Variants in CORO2B observed in about 807,000 individuals in gnomAD.
CORO2B encodes coronin 2B, also known as coronin-2B.
A neutral mutation model predicts 58.8 loss-of-function variants in CORO2B; 26 were observed. That is an observed-to-expected ratio of 0.44 (90% CI 0.32 to 0.61). CORO2B has a LOEUF of 0.61. Ranked by LOEUF, CORO2B falls within the 20% of genes least tolerant of loss-of-function variation. CORO2B has a pLI of 0.04. For missense variants in CORO2B, 460 were observed against 645.1 expected, an observed-to-expected ratio of 0.71 and a Z score of 3.11; for synonymous variants, 242 against 253.8, an observed-to-expected ratio of 0.95 and a Z score of 0.44.
chr15:68,677,933 G>A lies in CORO2B; in HGVS notation c.217-17207G>A, dbSNP rs78373754. ...TCTGCAGCCATGGAAAAACATGAAC[G>A]TTGGCTGGATTGAGGGTTTCCTGTT... is the stretch of plus-strand genomic sequence containing the variant. On this transcript the variant is annotated intron_variant, in intron 2 of 11. Transcript: ENST00000261861. 9.4e-4 allele frequency among the ~76,000 whole-genome samples: 143 copies of A among 152,264 alleles called. 3 individuals carry two copies. In the East Asian group the frequency reaches 0.026, roughly 28 times the overall value.
the CORO2B span, among the ~76,000 whole-genome samples, chr15:68,541,650 C>T: frequency 6.6e-6 from 1 of 152,210 alleles, no homozygotes; most frequent in Admixed American, 6.5e-5. Context: ...GTGCTTTGTC[C>T]AGTGCCCTAT....
chr15:68,572,069 T>C, the CORO2B span, among the ~76,000 whole-genome samples: 164 of 152,270 alleles, frequency 1.1e-3, no homozygotes, highest in Middle Eastern at 3.4e-3. Context: ...CCCAGGGGCA[T>C]CTGGGAAGGG....
chr15:68,678,149 G>A (rs902050242), intron 2 of CORO2B, among the ~76,000 whole-genome samples: 8 of 152,196 alleles, frequency 5.3e-5, no homozygotes, highest in East Asian at 1.9e-4. Context: ...GCCACTGGCT[G>A]CTGGCTGTTC....
intron 1 of CORO2B, among the ~76,000 whole-genome samples, chr15:68,633,611 A>G (rs1396642856): frequency 6.6e-6 from 1 of 152,062 alleles, no homozygotes; most frequent in Non-Finnish European, 1.5e-5. Context: ...AGCTCTGTGC[A>G]TGAGGCCTGG....
chr15:68,703,559 C>T (rs140672659), intron 3 of CORO2B, among the ~76,000 whole-genome samples: 64 of 152,306 alleles, frequency 4.2e-4, no homozygotes, highest in East Asian at 4.0e-3. Flanking sequence ...CTTCTCCTAG[C>T]TGCTTAGGCC....
chr15:68,585,400 G>A lies in CORO2B; in HGVS notation c.15+6123G>A, dbSNP rs116892847. Among the ~76,000 whole-genome samples, 241 of 152,294 alleles carry A rather than the reference G, an allele frequency of 1.6e-3. 2 individuals are homozygous for A. Among genetic ancestry groups the A allele is most frequent in the African/African-American group, 5.4e-3 (226 of 41,554 alleles). On this transcript the variant is annotated intron_variant, in intron 1 of 11. Transcript: ENST00000261861. ...TGATAATAACAGTTATTAAGCAGGC[G>A]TTGGGCACGCATGATCGCATTTACT...
At chr15:68,685,631 A>C (rs997457300) in intron 2 of CORO2B, among the ~76,000 whole-genome samples, 2 of 152,260 alleles carry the variant, frequency 1.3e-5, no homozygotes, top group Non-Finnish European at 2.9e-5. Flanking sequence ...AGGCCCCAGC[A>C]GGCTATGGAG....
chr15:68,575,105 T>C (rs1281614207), upstream of CORO2B, among the ~76,000 whole-genome samples: 1 of 152,190 alleles, frequency 6.6e-6, no homozygotes, highest in Non-Finnish European at 1.5e-5. Context: ...GACTTTTTAC[T>C]TTCTGCCCCA....
intron 2 of CORO2B, among the ~76,000 whole-genome samples, chr15:68,682,289 G>A (rs1045381037): frequency 5.3e-5 from 8 of 152,288 alleles, no homozygotes; most frequent in East Asian, 3.9e-4. Context: ...TCTGGAGTTC[G>A]AGAAGAGACC....
intron 2 of CORO2B, among the ~76,000 whole-genome samples, chr15:68,646,804 T>C (rs1901445495): frequency 6.6e-6 from 1 of 152,214 alleles, no homozygotes; most frequent in African/African-American, 2.4e-5. Context: ...TGGTTACTTT[T>C]TTGGGGAAGT....
chr15:68,520,341 G>T, the CORO2B span, among the ~76,000 whole-genome samples: 2 of 152,112 alleles, frequency 1.3e-5, no homozygotes, highest in African/African-American at 4.8e-5. Flanking sequence ...GTTGTTGCTT[G>T]TTCCATCAGT....
the CORO2B span, among the ~76,000 whole-genome samples, chr15:68,569,839 T>G: frequency 1.5e-4 from 23 of 152,190 alleles, no homozygotes; most frequent in African/African-American, 5.5e-4. Context: ...AATTTGCAGA[T>G]GAGGAAACCG....
intron 2 of CORO2B, among the ~76,000 whole-genome samples, chr15:68,683,917 A>G (rs1415168806): frequency 6.6e-6 from 1 of 152,210 alleles, no homozygotes; most frequent in African/African-American, 2.4e-5. Flanking sequence ...GTGTCAAGGC[A>G]GGACTGTGCT....
chr15:68,667,457 C>T (rs1358752700), intron 2 of CORO2B, among the ~76,000 whole-genome samples: 3 of 152,232 alleles, frequency 2.0e-5, no homozygotes, highest in Non-Finnish European at 4.4e-5. Context: ...CACACCCATT[C>T]GTTTTTCCAT....
At chr15:68,603,186 C>G (rs951012481) in intron 1 of CORO2B, among the ~76,000 whole-genome samples, 8 of 152,108 alleles carry the variant, frequency 5.3e-5, no homozygotes, top group African/African-American at 1.9e-4. Context: ...TCTTACACGC[C>G]ATGGAAGTCC....
Position 68,726,047 on chromosome 15 carries a change from G to A in CORO2B, c.*73G>A. ...TCATCCCTTAACTTCTCCCTTACCA[G>A]TGACCCCAGAGACAGAGCCAGGACA... On this transcript the variant is annotated 3_prime_UTR_variant, in exon 12 of 12. Transcript: ENST00000261861. 2 of 1,584,430 alleles carry A rather than the reference G, an allele frequency of 1.3e-6. No individual in the cohort carries two copies. The highest frequency in any genetic ancestry group is 1.1e-5 in the South Asian group (1 of 88,968).
At position 68,597,376 on chromosome 15, in the gene CORO2B, G is replaced by A. The variant is rs553175432; in HGVS notation, c.15+18099G>A. The stretch of plus-strand genomic sequence containing the variant: ...AGGGGCAGTCCTAATTGTTTTACAC[G>A]CACCTCATATCACCCTTTCAATACC... On this transcript the variant is annotated intron_variant, in intron 1 of 11. Transcript: ENST00000261861. Among the ~76,000 whole-genome samples the A allele has an allele frequency of 1.3e-4, 20 of 152,194 alleles. 1 individual carries two copies. The South Asian group carries it at 4.1e-3, about 32-fold the overall frequency.
At chr15:68,604,973 G>T (rs1021143786) in intron 1 of CORO2B, among the ~76,000 whole-genome samples, 2 of 152,098 alleles carry the variant, frequency 1.3e-5, no homozygotes, top group Non-Finnish European at 2.9e-5. Flanking sequence ...AATTAGCCAG[G>T]CATGGTGGCA....
chr15:68,600,601 G>C (rs1464114951), intron 1 of CORO2B, among the ~76,000 whole-genome samples: 4 of 152,184 alleles, frequency 2.6e-5, no homozygotes, highest in Non-Finnish European at 5.9e-5. Flanking sequence ...CTGTGGATGT[G>C]GCTTTTGGGG....
Sources: allele counts gnomAD v4.1 joint callset (sites outside exome capture counted in the v4.1 genomes callset), GRCh38; gene constraint gnomAD v4.1.1; transcripts MANE v1.5; gene names NCBI Gene and HGNC (gene_info 2026-07-23, HGNC 2026-07-21).